Variants in TUSC3 observed in about 807,000 individuals in gnomAD.
TUSC3 encodes the protein tumor suppressor candidate 3.
TUSC3 carries 45 observed loss-of-function variants against 44.8 expected under a neutral mutation model. The observed-to-expected ratio is 1.00, with a 90% CI of 0.79 to 1.29. TUSC3 has a LOEUF of 1.29. TUSC3 is among the 50% of genes most tolerant of loss of function. TUSC3 has a pLI of 0.00. For synonymous variants in TUSC3, 212 were observed against 152.9 expected, an observed-to-expected ratio of 1.39 and a Z score of -2.85; for missense variants, 519 against 437.9, an observed-to-expected ratio of 1.19 and a Z score of -1.65.
chr8:15,711,630 T>A (rs1809857461), intron 6 of TUSC3, among the ~76,000 whole-genome samples: 1 of 151,722 alleles, frequency 6.6e-6, no homozygotes. Flanking sequence ...GAATTTACCA[T>A]TGCACTGTGT....
At chr8:15,543,835 A>C (rs900407083) in intron 1 of TUSC3, among the ~76,000 whole-genome samples, 1 of 151,602 alleles carries the variant, frequency 6.6e-6, no homozygotes, top group Admixed American at 6.6e-5. Flanking sequence ...GAGAATTCCA[A>C]ATTCTCTTAC....
chr8:15,773,348 T>A, the TUSC3 span, among the ~76,000 whole-genome samples: 5 of 152,116 alleles, frequency 3.3e-5, no homozygotes, highest in African/African-American at 1.2e-4. Context: ...AAAAGGAAAT[T>A]AAGACAATTT....
At chr8:15,692,105 G>C (rs62502129) in intron 6 of TUSC3, among the ~76,000 whole-genome samples, 30,451 of 152,070 alleles carry the variant, frequency 0.2, 3,963 homozygotes, top group Non-Finnish European at 0.29. Flanking sequence ...TATTAGTTCT[G>C]TTATGTTGTG....
chr8:15,790,314 T>C, the TUSC3 span, among the ~76,000 whole-genome samples: 1 of 149,824 alleles, frequency 6.7e-6, no homozygotes, highest in Non-Finnish European at 1.5e-5. Context: ...GCCTCCCAAG[T>C]AGCTGGGACT....
chr8:15,467,932 T>C (rs1457166730), intron 1 of TUSC3, among the ~76,000 whole-genome samples: 1 of 152,186 alleles, frequency 6.6e-6, no homozygotes, highest in Non-Finnish European at 1.5e-5. Flanking sequence ...CTTTATGTTA[T>C]ACAAATTTTA....
chr8:15,520,604 G>A lies in TUSC3; in HGVS notation n.189+37121G>A, dbSNP rs73536445. On this transcript the variant is annotated intron_variant and non_coding_transcript_variant, in intron 2 of 5. Coordinates refer to the TUSC3 transcript ENST00000503191. ...CTGCACTGTGTGATAACCAATATTTGTATTGCATGTACCTGGAAATACAGA... is the reference window on the plus strand; with the variant it reads ...CTGCACTGTGTGATAACCAATATTTATATTGCATGTACCTGGAAATACAGA... Among the ~76,000 whole-genome samples, 1,386 of 152,230 alleles carry A rather than the reference G, an allele frequency of 9.1e-3. 22 individuals are homozygous for A. The highest frequency in any genetic ancestry group is 0.031 in the African/African-American group (1,288 of 41,538).
chr8:15,540,354 G>T lies in TUSC3; in HGVS notation c.-77G>T, dbSNP rs1801636085. On this transcript the variant is annotated 5_prime_UTR_variant, in exon 1 of 11. Coordinates refer to ENST00000503731, the MANE Select transcript of TUSC3 (RefSeq NM_006765.4). ...CCCAGCCAGCGGGCTCCCGGAGGCT[G>T]GCCGGGCAGGCGTGGTGCGCGGTAG... The T allele has an allele frequency of 7.1e-7, 1 of 1,402,566 alleles. No individual in the cohort carries two copies. Among genetic ancestry groups the T allele is most frequent in the Non-Finnish European group, 9.3e-7 (1 of 1,076,116 alleles). 86.9% of individuals were successfully genotyped at this position (1,402,566 alleles called of 1,614,324 possible).
At chr8:15,816,794 C>T in the TUSC3 span, among the ~76,000 whole-genome samples, 1 of 152,300 alleles carries the variant, frequency 6.6e-6, no homozygotes, top group African/African-American at 2.4e-5. Context: ...CAACGTCATA[C>T]AAATGATACA....
intron 1 of TUSC3, among the ~76,000 whole-genome samples, chr8:15,548,959 C>G (rs1235138827): frequency 6.6e-6 from 1 of 151,446 alleles, no homozygotes; most frequent in Non-Finnish European, 1.5e-5. Context: ...CCATGTGTTT[C>G]TTTTAGTGAA....
chr8:15,820,071 T>C, the TUSC3 span, among the ~76,000 whole-genome samples: 1 of 152,200 alleles, frequency 6.6e-6, no homozygotes, highest in African/African-American at 2.4e-5. Flanking sequence ...TGAATTGCTG[T>C]TCAATATTAT....
chr8:15,522,027 C>G (rs981746537), intron 2 of TUSC3, among the ~76,000 whole-genome samples: 1 of 152,204 alleles, frequency 6.6e-6, no homozygotes, highest in Non-Finnish European at 1.5e-5. Context: ...TTACAATATT[C>G]CAACCTCCCT....
intron 1 of TUSC3, among the ~76,000 whole-genome samples, chr8:15,598,406 A>T (rs76840307): frequency 6.6e-6 from 1 of 151,948 alleles, no homozygotes; most frequent in Admixed American, 6.6e-5. Flanking sequence ...CTCCATCATT[A>T]TCAGTATTCC....
At chr8:15,810,437 A>G in the TUSC3 span, among the ~76,000 whole-genome samples, 4 of 152,166 alleles carry the variant, frequency 2.6e-5, no homozygotes, top group Non-Finnish European at 5.9e-5. Context: ...CAGGAGTTTG[A>G]GAGCAGCCTG....
intron 1 of TUSC3, among the ~76,000 whole-genome samples, chr8:15,541,578 A>C (rs1254294018): frequency 1.3e-5 from 2 of 152,166 alleles, no homozygotes; most frequent in Non-Finnish European, 2.9e-5. Context: ...CTTTCTCTTT[A>C]TTCTTAGTCT....
chr8:15,509,866 G>C (rs1465631668), intron 2 of TUSC3, among the ~76,000 whole-genome samples: 9 of 152,106 alleles, frequency 5.9e-5, no homozygotes, highest in African/African-American at 2.4e-5. Context: ...ATGTATTTTT[G>C]AAATTTTAAT....
At chr8:15,670,181 C>G (rs373119264) in intron 5 of TUSC3, among the ~76,000 whole-genome samples, 34 of 151,832 alleles carry the variant, frequency 2.2e-4, no homozygotes, top group African/African-American at 8.0e-4. Flanking sequence ...TCGTCTTGAT[C>G]TTGAGTAGAA....
chr8:15,826,221 T>A, the TUSC3 span, among the ~76,000 whole-genome samples: 2 of 152,184 alleles, frequency 1.3e-5, no homozygotes, highest in Non-Finnish European at 2.9e-5. Flanking sequence ...CATATTTGGC[T>A]GCAGTGGGAA....
At chr8:15,748,331 T>G (rs1374133552) in intron 8 of TUSC3, 44 bp from the exon 9 acceptor site, 1 of 1,416,918 alleles carries the variant, frequency 7.1e-7, no homozygotes. Context: ...GGGGTTTCAT[T>G]TGCATATTTT....
At chr8:15,566,293 T>C (rs1042109113) in intron 1 of TUSC3, among the ~76,000 whole-genome samples, 2 of 152,186 alleles carry the variant, frequency 1.3e-5, no homozygotes, top group Non-Finnish European at 2.9e-5. Flanking sequence ...TTATTGTCAG[T>C]GTATGTTCAT....
Sources: gnomAD v4.1 joint callset for allele counts (sites outside exome capture counted in the v4.1 genomes callset) on GRCh38, gnomAD v4.1.1 for gene constraint, MANE v1.5 for transcripts, NCBI Gene and HGNC (gene_info 2026-07-23, HGNC 2026-07-21) for gene names.